OPCML: variants seen among roughly 807,000 people sequenced by gnomAD.
The protein encoded by OPCML is opioid-binding protein/cell adhesion molecule.
In OPCML, 13 loss-of-function variants were observed where a neutral mutation model predicts 37.8. That is an observed-to-expected ratio of 0.34 (90% confidence interval 0.22 to 0.55). The LOEUF is 0.55. Ranked by LOEUF, OPCML falls within the 20% of genes least tolerant of loss-of-function variation. OPCML has a pLI of 0.91. For missense variants in OPCML, 341 were observed against 435.6 expected (o/e 0.78, Z 1.93); for synonymous variants, 176 against 168.8 (o/e 1.04, Z -0.33).
At chr11:132,773,998 C>G (rs989343676) in intron 2 of OPCML, among the ~76,000 whole-genome samples, 1 of 152,198 alleles carries the variant, frequency 6.6e-6, no homozygotes, top group Non-Finnish European at 1.5e-5. Context: ...AGTCTGCAGT[C>G]ATAGCAGAAT....
chr11:132,743,085 T>C (rs906714134), intron 2 of OPCML, among the ~76,000 whole-genome samples: 2 of 152,196 alleles, frequency 1.3e-5, no homozygotes, highest in African/African-American at 2.4e-5. Flanking sequence ...GATAGGGCCA[T>C]GTTCCTAACA....
chr11:133,354,084 C>T, intron 1 of OPCML, among the ~76,000 whole-genome samples: 1 of 150,740 alleles, frequency 6.6e-6, no homozygotes. Flanking sequence ...TTAAGTCTAT[C>T]TGTGCTATGC....
At chr11:133,381,399 C>A (rs1213660703) in intron 1 of OPCML, among the ~76,000 whole-genome samples, 1 of 152,096 alleles carries the variant, frequency 6.6e-6, no homozygotes, top group African/African-American at 2.4e-5. Flanking sequence ...ACAAATACAA[C>A]GTAGAAAGAA....
intron 3 of OPCML, among the ~76,000 whole-genome samples, chr11:132,578,923 G>C (rs1263524507): frequency 2.0e-5 from 3 of 151,832 alleles, no homozygotes; most frequent in Non-Finnish European, 4.4e-5. Flanking sequence ...CTTAATTTGT[G>C]CTTCTCCCTG....
At chr11:132,652,937 G>A (rs951462364) in intron 3 of OPCML, among the ~76,000 whole-genome samples, 6 of 152,058 alleles carry the variant, frequency 3.9e-5, no homozygotes, top group South Asian at 2.1e-4. Context: ...TGCCTCAGAC[G>A]GTGTGCTAAG....
intron 1 of OPCML, among the ~76,000 whole-genome samples, chr11:132,991,079 C>T (rs1946765434): frequency 3.3e-5 from 5 of 152,162 alleles, no homozygotes; most frequent in Admixed American, 3.3e-4. Context: ...ACATGTACTG[C>T]CCATAGGATT....
At chr11:133,301,786 T>A (rs1942786185) in intron 1 of OPCML, 1 of 152,044 alleles carries the variant, frequency 6.6e-6, no homozygotes, top group Non-Finnish European at 1.5e-5. Context: ...ACAACTTAAT[T>A]TGGACACTGA....
rs374065928 is a variant in OPCML, at chr11:132,980,426, G to A, written c.62-37416C>T. Among the ~76,000 whole-genome samples, 20 of 152,292 alleles carry A rather than the reference G, an allele frequency of 1.3e-4. No individual in the cohort carries two copies. The East Asian group carries it at 2.7e-3, about 21-fold the overall frequency. ...CTGACATCTTTAATCCATTCAACTA[G>A]AAATTATTTGTTTCCCCTAGAACTA... is the stretch of plus-strand genomic sequence containing the variant. On this transcript the variant is annotated intron_variant, in intron 1 of 7. Transcript: ENST00000524381.
intron 2 of OPCML, among the ~76,000 whole-genome samples, chr11:132,939,477 CA>C (rs1255739839): frequency 1.3e-5 from 2 of 152,158 alleles, no homozygotes; most frequent in Non-Finnish European, 2.9e-5. Flanking sequence ...ATAAAAAACA[CA>C]AAACACCAAA....
In OPCML at chr11:132,436,349, A is replaced by G. The variant is rs1472372091; in HGVS notation, c.765-112T>C. 10 of 1,584,236 alleles carry G rather than the reference A, an allele frequency of 6.3e-6. No homozygotes were observed. In the African/African-American group the frequency reaches 9.6e-5, roughly 15 times the overall value. On this transcript the variant is annotated intron_variant, in intron 6 of 7. Coordinates refer to ENST00000524381, the MANE Select transcript of OPCML (RefSeq NM_001012393.5). ...TTCAAACTCAAACCCTAAGCACTTC[A>G]GTGTCCAACAGGAGGAGAAGGGAAA... is the stretch of plus-strand genomic sequence containing the variant.
intron 1 of OPCML, among the ~76,000 whole-genome samples, chr11:133,529,746 T>C (rs1948565525): frequency 6.6e-6 from 1 of 152,170 alleles, no homozygotes; most frequent in Admixed American, 6.5e-5. Context: ...CGAGCTGGTA[T>C]TAATCCCTGT....
At chr11:132,870,462 A>C (rs1344730243) in intron 2 of OPCML, among the ~76,000 whole-genome samples, 1 of 152,186 alleles carries the variant, frequency 6.6e-6, no homozygotes, top group Non-Finnish European at 1.5e-5. Context: ...TTCTTCAAAA[A>C]ATTAAAAATA....
At chr11:133,339,741 T>C (rs1164383309) in intron 1 of OPCML, among the ~76,000 whole-genome samples, 1 of 152,228 alleles carries the variant, frequency 6.6e-6, no homozygotes, top group Non-Finnish European at 1.5e-5. Context: ...GCTGGGCTCC[T>C]GTTGTTCTAG....
chr11:133,318,259 A>C (rs983413115), intron 1 of OPCML, among the ~76,000 whole-genome samples: 3 of 152,308 alleles, frequency 2.0e-5, no homozygotes, highest in African/African-American at 7.2e-5. Flanking sequence ...CCTCTCCTTC[A>C]TCAGTCTGTG....
At chr11:133,314,451 G>A (rs1943153733) in intron 1 of OPCML, among the ~76,000 whole-genome samples, 1 of 151,288 alleles carries the variant, frequency 6.6e-6, no homozygotes, top group Non-Finnish European at 1.5e-5. Flanking sequence ...TGAAACTTCT[G>A]TGGATATTTT....
At chr11:133,282,714 A>T (rs1205466045) in intron 1 of OPCML, among the ~76,000 whole-genome samples, 1 of 151,960 alleles carries the variant, frequency 6.6e-6, no homozygotes, top group Non-Finnish European at 1.5e-5. Context: ...TAGGCACTCA[A>T]CTCCAACCTG....
At chr11:132,698,537 C>A (rs1304581850) in intron 2 of OPCML, among the ~76,000 whole-genome samples, 1 of 152,062 alleles carries the variant, frequency 6.6e-6, no homozygotes, top group Non-Finnish European at 1.5e-5. Context: ...GATATTAATG[C>A]CTTCTCAGAT....
intron 1 of OPCML, among the ~76,000 whole-genome samples, chr11:133,411,382 G>C (rs1945647703): frequency 1.3e-5 from 2 of 152,158 alleles, no homozygotes; most frequent in South Asian, 2.1e-4. Context: ...ACATGATCAA[G>C]CATGCCAGCG....
At chr11:133,502,298 G>C (rs1449117043) in intron 1 of OPCML, among the ~76,000 whole-genome samples, 2 of 152,110 alleles carry the variant, frequency 1.3e-5, no homozygotes, top group African/African-American at 4.8e-5. Context: ...CCCCTCTCCT[G>C]CCCCCACCCT....
Sources: gnomAD v4.1 joint callset for allele counts (sites outside exome capture counted in the v4.1 genomes callset) on GRCh38, gnomAD v4.1.1 for gene constraint, MANE v1.5 for transcripts, NCBI Gene and HGNC (gene_info 2026-07-23, HGNC 2026-07-21) for gene names.